SPNS2: variants seen among roughly 807,000 people sequenced by gnomAD.
SPNS2 encodes SPNS lysolipid transporter 2, sphingosine-1-phosphate.
In SPNS2, 37 loss-of-function variants were observed where a neutral mutation model predicts 57.6. That is an observed-to-expected ratio of 0.64 (90% CI 0.49 to 0.85). The LOEUF (loss-of-function observed/expected upper bound fraction) is 0.85, where lower values mean the gene tolerates loss of function less well. Among genes scored for constraint, SPNS2 ranks in the 40% least tolerant of loss-of-function variants. The probability of loss-of-function intolerance (pLI) is 0.00; values close to 1 mark genes in which losing one functional copy is unlikely to be tolerated. For synonymous variants in SPNS2, 440 were observed against 346.9 expected, an observed-to-expected ratio of 1.27 and a Z score of -2.98; for missense variants, 831 against 779.1, an observed-to-expected ratio of 1.07 and a Z score of -0.79.
intron 3 of SPNS2, 148 bp from the exon 4 acceptor site, chr17:4,530,484 T>G (rs1230727569): frequency 1.1e-6 from 1 of 892,128 alleles, no homozygotes; most frequent in Non-Finnish European, 1.7e-6. Flanking sequence ...GGGGAGGTGG[T>G]CTTTACGGAG....
At chr17:4,535,076 TAAGGCTGGCACTCCA>T (rs34835089) in intron 9 of SPNS2, among the ~76,000 whole-genome samples, 42,017 of 152,076 alleles carry the variant, frequency 0.28, 6,673 homozygotes, top group East Asian at 0.54. Context: ...CAATGCCCAC[TAAGGCTGGCACTCCA>T]AAGAGGCGAG....
chr17:4,534,002 CAG>C (rs1227130463), intron 9 of SPNS2, 149 bp downstream of exon 9: 7 of 791,054 alleles, frequency 8.8e-6, no homozygotes, highest in African/African-American at 3.4e-5. Flanking sequence ...GGGAGGGGAT[CAG>C]AGAGTTTGGG....
chr17:4,503,611 C>T (rs1275321482), intron 1 of SPNS2, among the ~76,000 whole-genome samples: 1 of 152,216 alleles, frequency 6.6e-6, no homozygotes, highest in Non-Finnish European at 1.5e-5. Flanking sequence ...GTGGCCCTGG[C>T]CTTGTTTATG....
At chr17:4,535,484 A>G (rs1241047921) in intron 9 of SPNS2, among the ~76,000 whole-genome samples, 1 of 152,154 alleles carries the variant, frequency 6.6e-6, no homozygotes, top group Non-Finnish European at 1.5e-5. Context: ...TCTAGACCTC[A>G]GTGTCCCCGT....
At position 4,535,970 on chromosome 17, in the gene SPNS2, AGT is replaced by A. The variant is rs1395266630; in HGVS notation, c.1345-104_1345-103del. On this transcript the variant is annotated intron_variant, in intron 9 of 12. Transcript: ENST00000329078. ...GAGAGGTGTCAAGACGTAGGGCAGG[AGT>A]GAGTCTGAGGGTGTGGGGGCTTCAG... is the stretch of plus-strand genomic sequence containing the variant. 6.9e-6 allele frequency: 6 copies of A among 865,264 alleles called. No individual in the cohort carries two copies. In the African/African-American group the frequency reaches 8.4e-5, roughly 12 times the overall value. The allele number at this position is 865,264 out of a possible 1,614,324, so 53.6% of individuals were successfully genotyped here.
intron 11 of SPNS2, 52 bp from the exon 12 acceptor site, chr17:4,536,848 G>A: frequency 1.2e-5 from 18 of 1,503,514 alleles, no homozygotes; most frequent in Non-Finnish European, 1.7e-5. Flanking sequence ...GCAGTGCCCG[G>A]GCCCGGCCCC....
rs1405292744 is a variant in SPNS2 at position 4,531,101 on chromosome 17, C to T, written c.774C>T (p.Asp258=). Residue 258 remains aspartate (D), a synonymous_variant, in exon 5 of 13, where the codon GAC becomes GAT. Coordinates refer to ENST00000329078, the MANE Select transcript of SPNS2 (RefSeq NM_001124758.3). ...CCAGCGTGAAGCAGGCAGCCGGAGA[C>T]TGGCACTGGGCATTGCGGGTAAGCC... is the stretch of plus-strand genomic sequence containing the variant. ...TGSSVKQAAG[D]WHWALRVSPV... is the part of the protein sequence containing the mutation. The T allele has an allele frequency of 6.2e-7, 1 of 1,614,090 alleles. No individual in the cohort carries two copies. The highest frequency in any genetic ancestry group is 2.2e-5 in the East Asian group (1 of 44,890).
Position 4,537,824 on chromosome 17 carries a change from ACTTTCCCACACAACTTGCTGGG to A in SPNS2, c.*378_*399del, listed in dbSNP as rs1405537141. On this transcript the variant is annotated 3_prime_UTR_variant, in exon 13 of 13. Coordinates refer to ENST00000329078, the MANE Select transcript of SPNS2 (RefSeq NM_001124758.3). ...CTGGAACGAAGGGCCAGGGGGCTGG[ACTTTCCCACACAACTTGCTGGG>A]CAAAGCACGATCTGCAGCTTTGAAG... The A allele has an allele frequency of 2.2e-6, 1 of 454,906 alleles. No homozygotes were observed. The highest frequency in any genetic ancestry group is 4.4e-6 in the Non-Finnish European group (1 of 225,594). 28.2% of individuals were successfully genotyped at this position (454,906 alleles called of 1,614,324 possible).
intron 11 of SPNS2, 81 bp downstream of exon 11, chr17:4,536,507 TGGGGC>T: frequency 1.4e-6 from 2 of 1,419,190 alleles, no homozygotes; most frequent in Non-Finnish European, 9.6e-7. Context: ...TGCCCTGGGG[TGGGGC>T]GGGGAGGGTA....
Position 4,532,642 on chromosome 17 carries a change from C to T in SPNS2, c.893C>T (p.Ala298Val). ...GACCAGCTCGGGGACCAGCTCAAGG[C>T]CCGGACCTCATGGCTCCGAGATATG... is the stretch of plus-strand genomic sequence containing the variant. Reference protein sequence around the residue: ...HADQLGDQLKARTSWLRDMKA... With the variant: ...HADQLGDQLKVRTSWLRDMKA... Residue 298 changes from alanine to valine, a missense_variant, in exon 6 of 13, where the codon GCC (alanine) becomes GTC (valine). Physicochemically the swap from Ala to Val is moderately conservative, Grantham distance 64. Coordinates refer to ENST00000329078, the MANE Select transcript of SPNS2 (RefSeq NM_001124758.3). 2 of 1,613,998 alleles carry T rather than the reference C, an allele frequency of 1.2e-6. No homozygotes were observed. Among genetic ancestry groups the T allele is most frequent in the Non-Finnish European group, 8.5e-7 (1 of 1,179,948 alleles).
Position 4,513,318 on chromosome 17 carries a change from G to A in SPNS2, c.436+6G>A, listed in dbSNP as rs1567589151. On this transcript the variant is annotated splice_donor_region_variant and intron_variant, in intron 2 of 12. Transcript: ENST00000329078. ...CGCCGGCCTGCTGCAGTCAGGTGAG[G>A]CCCACCTCCCACCTTCCCCCCCACG... 4 of 1,613,590 alleles carry A rather than the reference G, an allele frequency of 2.5e-6. No homozygotes were observed. The highest frequency in any genetic ancestry group is 1.1e-5 in the South Asian group (1 of 91,084).
intron 3 of SPNS2, among the ~76,000 whole-genome samples, chr17:4,525,681 A>G (rs1905247719): frequency 6.6e-6 from 1 of 152,224 alleles, no homozygotes; most frequent in Non-Finnish European, 1.5e-5. Flanking sequence ...TAGCTCCCAC[A>G]GGCCTGGGCT....
chr17:4,502,924 C>T (rs943153132), intron 1 of SPNS2, among the ~76,000 whole-genome samples: 10 of 152,206 alleles, frequency 6.6e-5, no homozygotes, highest in South Asian at 2.1e-4. Context: ...CAGCGCCACC[C>T]GGTGAACCTG....
At position 4,527,307 on chromosome 17, in the gene SPNS2, G is replaced by A. The variant is rs539468131; in HGVS notation, c.573+2114G>A. 5.3e-5 allele frequency among the ~76,000 whole-genome samples: 8 copies of A among 152,368 alleles called. No individual in the cohort carries two copies. The South Asian group carries it at 1.7e-3, about 32-fold the overall frequency. ...TCTCAGTTATCAAAATACAGTGATTGTAACTAAAACAGCAGAGGGATGGAC... is the reference window on the plus strand; with the variant it reads ...TCTCAGTTATCAAAATACAGTGATTATAACTAAAACAGCAGAGGGATGGAC... On this transcript the variant is annotated intron_variant, in intron 3 of 12. Coordinates refer to ENST00000329078, the MANE Select transcript of SPNS2 (RefSeq NM_001124758.3).
Position 4,512,651 on chromosome 17 carries a change from C to T in SPNS2, c.371-596C>T, listed in dbSNP as rs1365809211. The stretch of plus-strand genomic sequence containing the variant: ...GTGACAGTGTGTGTGTGTGCGTGCG[C>T]GCGCACGGGTATGTGTGTGCGCGCG... On this transcript the variant is annotated intron_variant, in intron 1 of 12. Transcript: ENST00000329078. This position sits in a 1 kb window ranked among gnomAD's most constrained non-coding sequence, Gnocchi z 5.2. Among the ~76,000 whole-genome samples the T allele has an allele frequency of 6.6e-6, 1 of 151,254 alleles. No individual in the cohort carries two copies. Among genetic ancestry groups the T allele is most frequent in the African/African-American group, 2.4e-5 (1 of 41,140 alleles).
chr17:4,536,964 G>C lies in SPNS2; in HGVS notation c.*4+18G>C. 6.2e-7 allele frequency: 1 copy of C among 1,611,100 alleles called. No individual in the cohort carries two copies. Among genetic ancestry groups the C allele is most frequent in the Non-Finnish European group, 8.5e-7 (1 of 1,178,984 alleles). ...CTGAGGTGGTGAGTGCAGGCCGGGAGGCACGTGGGGGCTCCCTAAGGAAAG... is the reference window on the plus strand; with the variant it reads ...CTGAGGTGGTGAGTGCAGGCCGGGACGCACGTGGGGGCTCCCTAAGGAAAG... On this transcript the variant is annotated intron_variant, in intron 12 of 12. Coordinates refer to ENST00000329078, the MANE Select transcript of SPNS2 (RefSeq NM_001124758.3).
intron 2 of SPNS2, among the ~76,000 whole-genome samples, chr17:4,516,316 CA>C (rs67710825): frequency 0.55 from 36,813 of 66,604 alleles, 6,322 homozygotes; most frequent in Middle Eastern, 0.64. Context: ...TCTATCTCCC[CA>C]AAAAAAAAAA....
At chr17:4,532,399 C>A in intron 5 of SPNS2, 143 bp from the exon 6 acceptor site, 2 of 1,247,872 alleles carry the variant, frequency 1.6e-6, no homozygotes, top group Non-Finnish European at 2.2e-6. Context: ...TTCTCAGCAG[C>A]CCAATTAGGA....
In SPNS2 at chr17:4,529,979, A is replaced by G. The variant is rs185120221; in HGVS notation, c.574-653A>G. On this transcript the variant is annotated intron_variant, in intron 3 of 12. Transcript: ENST00000329078. ...GCCAGGGTGGGGCTGGGGAAAGATG[A>G]CCAGGCTGGGTTCTCAGGCCCCGGG... Among the ~76,000 whole-genome samples the G allele has an allele frequency of 4.9e-3, 739 of 152,202 alleles. 8 individuals are homozygous for G. Among genetic ancestry groups the G allele is most frequent in the African/African-American group, 0.017 (696 of 41,516 alleles).
Sources: allele counts gnomAD v4.1 joint callset (sites outside exome capture counted in the v4.1 genomes callset), GRCh38; gene constraint gnomAD v4.1.1; non-coding constraint Gnocchi (gnomAD v3.1); transcripts MANE v1.5; gene names NCBI Gene and HGNC (gene_info 2026-07-23, HGNC 2026-07-21).